The following ARHGEF18 variants were observed in gnomAD, a reference collection of about 807,000 sequenced individuals.
ARHGEF18 encodes Rho/Rac guanine nucleotide exchange factor 18.
In ARHGEF18, 93 loss-of-function variants were observed where a neutral mutation model predicts 155.7. The observed-to-expected ratio is 0.60, with a 90% confidence interval of 0.50 to 0.71. ARHGEF18 has a LOEUF of 0.71. Ranked by LOEUF, ARHGEF18 falls within the 30% of genes least tolerant of loss-of-function variation. ARHGEF18 has a pLI of 0.00. For missense variants in ARHGEF18, 1,593 were observed against 1,816.1 expected (o/e 0.88, Z 2.23); for synonymous variants, 742 against 753.1 (o/e 0.99, Z 0.24).
intron 16 of ARHGEF18, 79 bp downstream of exon 16, chr19:7,451,345 A>T (rs973489815): frequency 1.3e-5 from 15 of 1,193,916 alleles, no homozygotes; most frequent in Admixed American, 4.5e-5. Context: ...TCCCTATTTG[A>T]GCAGCAAACT....
intron 10 of ARHGEF18, among the ~76,000 whole-genome samples, chr19:7,400,360 C>T (rs1395491238): frequency 6.6e-6 from 1 of 152,050 alleles, no homozygotes; most frequent in Non-Finnish European, 1.5e-5. Context: ...GCTGTGTTGT[C>T]CAGGCTAAAT....
At chr19:7,368,015 G>GGAAGGAAGGA (rs1568270703) in intron 2 of ARHGEF18, among the ~76,000 whole-genome samples, 13 of 86,342 alleles carry the variant, frequency 1.5e-4, no homozygotes, top group African/African-American at 4.0e-4. Context: ...GGGAGGGAGG[G>GGAAGGAAGGA]AGGGCGGAAG....
At chr19:7,368,542 A>T (rs1432212717) in intron 2 of ARHGEF18, among the ~76,000 whole-genome samples, 1 of 152,142 alleles carries the variant, frequency 6.6e-6, no homozygotes, top group Non-Finnish European at 1.5e-5. Context: ...GAGCTGGAAC[A>T]GCCTGTACTG....
Position 7,373,037 on chromosome 19 carries a change from G to A in ARHGEF18, c.241G>A (p.Glu81Lys). The A allele has an allele frequency of 8.1e-7, 1 of 1,234,450 alleles. No individual in the cohort carries two copies. The allele number at this position is 1,234,450 out of a possible 1,614,324, so 76.5% of individuals were successfully genotyped here. A position where few individuals can be genotyped will look rare whatever the true frequency, so the allele number is the denominator to read the frequency against. ...SQDLSRRRSW[E>K]RSRSCSESWR... Reference sequence around the variant, plus strand: ...AGACCTGTCAAGGCGGCGCAGCTGGGAAAGGTCGCGGAGCTGCTCAGAGAG... The same window carrying A: ...AGACCTGTCAAGGCGGCGCAGCTGGAAAAGGTCGCGGAGCTGCTCAGAGAG... Residue 81 changes from glutamate to lysine, a missense_variant, in exon 3 of 29, where the codon GAA (glutamate) becomes AAA (lysine). By Grantham distance (56) the Glu-to-Lys change is moderately conservative. Coordinates refer to ENST00000668164, the MANE Select transcript of ARHGEF18 (RefSeq NM_001367823.1).
intron 26 of ARHGEF18, among the ~76,000 whole-genome samples, chr19:7,468,360 C>T (rs971958988): frequency 1.3e-5 from 2 of 151,110 alleles, no homozygotes; most frequent in Non-Finnish European, 2.9e-5. Context: ...GCCTGGGCCA[C>T]GTAGTGAGAC....
At chr19:7,423,676 G>C (rs1326854367) in intron 10 of ARHGEF18, among the ~76,000 whole-genome samples, 1 of 150,382 alleles carries the variant, frequency 6.6e-6, no homozygotes, top group Non-Finnish European at 1.5e-5. Context: ...CTGCACTCTA[G>C]CCTGGGTGAC....
At chr19:7,474,387 A>ATT (rs200783062), downstream of ARHGEF18, among the ~76,000 whole-genome samples, 12 of 151,984 alleles carry the variant, frequency 7.9e-5, no homozygotes, top group African/African-American at 9.6e-5. Flanking sequence ...ATTTTTATTT[A>ATT]TTTTTTTGAC....
At chr19:7,468,680 C>A in intron 26 of ARHGEF18, 145 bp from the exon 27 acceptor site, 1 of 893,750 alleles carries the variant, frequency 1.1e-6, no homozygotes, top group Non-Finnish European at 1.7e-6. Flanking sequence ...TGGGGACGGG[C>A]AATGACCAGC....
chr19:7,403,401 T>C (rs1972120273), intron 10 of ARHGEF18, among the ~76,000 whole-genome samples: 2 of 152,198 alleles, frequency 1.3e-5, no homozygotes, highest in South Asian at 4.1e-4. Flanking sequence ...ACTTTCTGTC[T>C]CTAGATCTGT....
intron 10 of ARHGEF18, among the ~76,000 whole-genome samples, chr19:7,403,433 A>G (rs765151302): frequency 2.6e-5 from 4 of 152,114 alleles, no homozygotes; most frequent in Non-Finnish European, 5.9e-5. Flanking sequence ...TTTTCATATC[A>G]GTGGAATCTT....
chr19:7,451,271 G>T lies in ARHGEF18; in HGVS notation c.1855+5G>T. ...GCATCATCCAGAACACGGAAGGTAGGCCTTCTCCCCACTGCCCCGCCCGCC... is the reference window on the plus strand; with the variant it reads ...GCATCATCCAGAACACGGAAGGTAGTCCTTCTCCCCACTGCCCCGCCCGCC... On this transcript the variant is annotated splice_donor_5th_base_variant and intron_variant, in intron 16 of 28. Coordinates refer to ENST00000668164, the MANE Select transcript of ARHGEF18 (RefSeq NM_001367823.1). The T allele has an allele frequency of 3.1e-6, 5 of 1,613,286 alleles. No individual in the cohort carries two copies. The highest frequency in any genetic ancestry group is 4.2e-6 in the Non-Finnish European group (5 of 1,179,744).
At chr19:7,453,440 A>G (rs1975625854) in intron 16 of ARHGEF18, 27 bp from the exon 17 acceptor site, 2 of 1,561,180 alleles carry the variant, frequency 1.3e-6, no homozygotes, top group Non-Finnish European at 1.7e-6. Context: ...TGGAAAAGAA[A>G]GACGCTAACT....
intron 1 of ARHGEF18, among the ~76,000 whole-genome samples, chr19:7,351,524 C>T (rs534746661): frequency 2.0e-5 from 3 of 151,636 alleles, no homozygotes; most frequent in Non-Finnish European, 4.4e-5. Context: ...GGGGTTTCAC[C>T]GTGTTAGCCA....
intron 13 of ARHGEF18, among the ~76,000 whole-genome samples, chr19:7,443,073 T>G (rs1401301267): frequency 6.9e-6 from 1 of 145,240 alleles, no homozygotes; most frequent in South Asian, 2.3e-4. Context: ...TTTTTTTTTT[T>G]TTTTTTTGAG....
intron 10 of ARHGEF18, among the ~76,000 whole-genome samples, chr19:7,414,947 A>G (rs1023069286): frequency 3.9e-5 from 6 of 152,170 alleles, no homozygotes; most frequent in Non-Finnish European, 8.8e-5. Flanking sequence ...GTGACCCGAG[A>G]TCGTGCCACT....
chr19:7,393,850 C>A (rs1263836168), intron 10 of ARHGEF18, among the ~76,000 whole-genome samples: 1 of 148,450 alleles, frequency 6.7e-6, no homozygotes, highest in Non-Finnish European at 1.5e-5. Flanking sequence ...GAGTGTCTGA[C>A]ATATTTGGGG....
intron 26 of ARHGEF18, among the ~76,000 whole-genome samples, chr19:7,468,186 G>A (rs112451544): frequency 1.9e-4 from 28 of 151,332 alleles, no homozygotes; most frequent in African/African-American, 6.3e-4. Context: ...GGGCAACAGA[G>A]TGAGACATGA....
chr19:7,374,853 G>A (rs1370952556), intron 3 of ARHGEF18, among the ~76,000 whole-genome samples: 5 of 152,172 alleles, frequency 3.3e-5, no homozygotes, highest in Non-Finnish European at 7.3e-5. Context: ...CCACCATGCA[G>A]TTATGATCAG....
At position 7,434,883 on chromosome 19, in the gene ARHGEF18, C is replaced by T. The variant is rs568152406; in HGVS notation, c.968-5461C>T. ...GGGCTTTTAGTATATTCAGAGTCAC[C>T]GAAATGGATCTTAGAACCCCAAAAA... On this transcript the variant is annotated intron_variant, in intron 10 of 28. Coordinates refer to ENST00000668164, the MANE Select transcript of ARHGEF18 (RefSeq NM_001367823.1). 6.6e-5 allele frequency among the ~76,000 whole-genome samples: 10 copies of T among 152,116 alleles called. No individual in the cohort carries two copies. The East Asian group carries it at 1.9e-3, about 29-fold the overall frequency.
Sources: allele counts gnomAD v4.1 joint callset (sites outside exome capture counted in the v4.1 genomes callset), GRCh38; gene constraint gnomAD v4.1.1; transcripts MANE v1.5; gene names NCBI Gene and HGNC (gene_info 2026-07-23, HGNC 2026-07-21).